SLC25A26: variants seen among roughly 807,000 people sequenced by gnomAD.
The protein encoded by SLC25A26 is solute carrier family 25 member 26, also known as mitochondrial S-adenosylmethionine carrier protein.
A neutral mutation model predicts 37.8 loss-of-function variants in SLC25A26; 36 were observed. The ratio of observed to expected loss-of-function variants is 0.95; its 90% CI spans 0.73 to 1.26. The LOEUF is 1.26. Ranked by LOEUF, SLC25A26 falls within the 50% of genes most tolerant of loss-of-function variation. The pLI is 0.00. For synonymous variants in SLC25A26, 129 were observed against 122.5 expected (o/e 1.05, Z -0.35); for missense variants, 390 against 331.1 (o/e 1.18, Z -1.38).
At chr3:66,214,560 G>A (rs967276294) in intron 1 of SLC25A26, among the ~76,000 whole-genome samples, 4 of 151,952 alleles carry the variant, frequency 2.6e-5, no homozygotes, top group South Asian at 2.1e-4. Flanking sequence ...TTTTCATTTC[G>A]ATGTTACTAA....
intron 5 of SLC25A26, chr3:66,293,268 T>A (rs1016711730): frequency 6.6e-6 from 1 of 152,114 alleles, no homozygotes; most frequent in Non-Finnish European, 1.5e-5. Context: ...TTAAGGAGTA[T>A]TTTTTACTTG....
At chr3:66,303,474 A>T (rs1279763036) in intron 5 of SLC25A26, among the ~76,000 whole-genome samples, 5 of 152,220 alleles carry the variant, frequency 3.3e-5, no homozygotes, top group African/African-American at 9.6e-5. Flanking sequence ...AATCAGCAAG[A>T]TGCCTTCCAG....
chr3:66,279,576 T>C (rs1314391694), intron 5 of SLC25A26, among the ~76,000 whole-genome samples: 2 of 152,238 alleles, frequency 1.3e-5, no homozygotes, highest in Non-Finnish European at 2.9e-5. Context: ...TTTACAAATA[T>C]CTCATTAAAG....
upstream of SLC25A26, among the ~76,000 whole-genome samples, chr3:66,216,538 C>T (rs1021756563): frequency 1.3e-5 from 2 of 151,266 alleles, no homozygotes; most frequent in Non-Finnish European, 1.5e-5. Flanking sequence ...AAACAAAAAA[C>T]AACAACAACA....
rs1448147845 is a variant in SLC25A26 at position 66,221,068 on chromosome 3, T to C, written c.-27T>C. On this transcript the variant is annotated 5_prime_UTR_variant, in exon 1 of 10. Transcript: ENST00000354883. Reference sequence around the variant, plus strand: ...GATCCGCTTCTGCTCCGGCTTGGATTGTAGCCTTGACGAGGTCTGAGCGAC... The same window carrying C: ...GATCCGCTTCTGCTCCGGCTTGGATCGTAGCCTTGACGAGGTCTGAGCGAC... 1.3e-6 allele frequency: 2 copies of C among 1,535,538 alleles called. No homozygotes were observed. The highest frequency in any genetic ancestry group is 2.5e-5 in the East Asian group (1 of 40,632).
chr3:66,370,640 C>T (rs777462144), intron 9 of SLC25A26, 38 bp downstream of exon 9: 4 of 1,529,716 alleles, frequency 2.6e-6, no homozygotes, highest in Admixed American at 1.7e-5. Context: ...TCTTCCTCTC[C>T]ACCACTCCTC....
chr3:66,373,550 C>T (rs1365202994), intron 9 of SLC25A26, among the ~76,000 whole-genome samples: 1 of 152,040 alleles, frequency 6.6e-6, no homozygotes, highest in Non-Finnish European at 1.5e-5. Flanking sequence ...ATCTGCTGGC[C>T]GCCTGTCTAG....
intron 1 of SLC25A26, among the ~76,000 whole-genome samples, chr3:66,212,731 A>G (rs1239421643): frequency 6.6e-6 from 1 of 152,168 alleles, no homozygotes; most frequent in East Asian, 1.9e-4. Flanking sequence ...AAATGGAATC[A>G]TATAATATTG....
At chr3:66,142,624 G>A (rs375496474) in intron 1 of SLC25A26, among the ~76,000 whole-genome samples, 70 of 152,210 alleles carry the variant, frequency 4.6e-4, no homozygotes, top group African/African-American at 1.7e-3. Flanking sequence ...CACCCCTTTT[G>A]TCCAATGGTA....
chr3:66,254,478 G>GCTT (rs1308787139), intron 3 of SLC25A26, among the ~76,000 whole-genome samples: 1 of 152,224 alleles, frequency 6.6e-6, no homozygotes, highest in East Asian at 1.9e-4. Context: ...GTCCAAAGCA[G>GCTT]CTTTTGCTTT....
At position 66,221,023 on chromosome 3, in the gene SLC25A26, C is replaced by T. The variant is rs2071460250; in HGVS notation, c.-72C>T. 1.3e-6 allele frequency: 2 copies of T among 1,491,690 alleles called. No individual in the cohort carries two copies. Among genetic ancestry groups the T allele is most frequent in the Middle Eastern group, 3.4e-4 (2 of 5,878 alleles). The allele number at this position is 1,491,690 out of a possible 1,614,324, so 92.4% of individuals were successfully genotyped here. A position where few individuals can be genotyped will look rare whatever the true frequency, so the allele number is the denominator to read the frequency against. ...GACAGACCCGCCTCAAACATGGCGG[C>T]GCCCAGCGCGCGAGGACGTGATCCG... On this transcript the variant is annotated 5_prime_UTR_variant, in exon 1 of 10. Transcript: ENST00000354883.
chr3:66,274,772 G>A (rs1277079559), intron 5 of SLC25A26, among the ~76,000 whole-genome samples: 6 of 152,084 alleles, frequency 3.9e-5, no homozygotes, highest in Non-Finnish European at 5.9e-5. Context: ...AGAGGATGTG[G>A]AGAAATAGGA....
chr3:66,356,214 A>ACCACCG, intron 6 of SLC25A26: 1 of 383,658 alleles, frequency 2.6e-6, no homozygotes. Context: ...CTTTAAATAG[A>ACCACCG]AGACACTTGG....
chr3:66,240,857 T>C (rs2072546561), intron 2 of SLC25A26, among the ~76,000 whole-genome samples: 1 of 150,968 alleles, frequency 6.6e-6, no homozygotes, highest in South Asian at 2.1e-4. Context: ...GCCATTCTCC[T>C]GCCTCAGCCT....
At chr3:66,241,269 T>C (rs1346271854) in intron 2 of SLC25A26, among the ~76,000 whole-genome samples, 3 of 152,110 alleles carry the variant, frequency 2.0e-5, no homozygotes, top group Non-Finnish European at 4.4e-5. Flanking sequence ...GGATTGGGCA[T>C]TGGATGTTAT....
At chr3:66,250,854 A>G (rs781832640) in intron 3 of SLC25A26, among the ~76,000 whole-genome samples, 8 of 152,206 alleles carry the variant, frequency 5.3e-5, no homozygotes, top group Non-Finnish European at 8.8e-5. Context: ...GCATCTATTT[A>G]AGGTATCAAC....
intron 5 of SLC25A26, among the ~76,000 whole-genome samples, chr3:66,312,629 G>A (rs971216441): frequency 3.3e-5 from 5 of 152,118 alleles, no homozygotes; most frequent in East Asian, 3.9e-4. Flanking sequence ...CCCTGGTGGC[G>A]TAGGCACTAG....
At chr3:66,180,950 C>T (rs2070693625) in intron 1 of SLC25A26, among the ~76,000 whole-genome samples, 1 of 152,160 alleles carries the variant, frequency 6.6e-6, no homozygotes, top group South Asian at 2.1e-4. Context: ...GAGAAAGAGA[C>T]ACCAGGAGTG....
rs1553655988 is a variant in SLC25A26, at chr3:66,208,974, G to GTA, written c.-353-11754_-353-11753dup. On this transcript the variant is annotated intron_variant, in intron 1 of 10. Coordinates refer to the SLC25A26 transcript ENST00000676754. ...TATATATATACCCATATAAAGGTGT[G>GTA]TATATATATATATATTTATGTACCC... Among the ~76,000 whole-genome samples the GTA allele has an allele frequency of 3.7e-3, 308 of 83,110 alleles. 2 individuals carry two copies. Among genetic ancestry groups the GTA allele is most frequent in the Admixed American group, 6.3e-3 (39 of 6,190 alleles). The allele number at this position is 83,110 out of a possible 152,430, so 54.5% of individuals were successfully genotyped here.
Sources: allele counts gnomAD v4.1 joint callset (sites outside exome capture counted in the v4.1 genomes callset), GRCh38; gene constraint gnomAD v4.1.1; transcripts MANE v1.5; gene names NCBI Gene and HGNC (gene_info 2026-07-23, HGNC 2026-07-21).